The following IRF8 variants were observed in gnomAD, a reference collection of about 807,000 sequenced individuals.
IRF8 encodes interferon consensus sequence binding protein 1.
In IRF8, 14 loss-of-function variants were observed where a neutral mutation model predicts 48.7. The ratio of observed to expected loss-of-function variants is 0.29; its 90% CI spans 0.19 to 0.45. The LOEUF (loss-of-function observed/expected upper bound fraction) is 0.45. Among genes scored for constraint, IRF8 ranks in the 20% least tolerant of loss-of-function variants. The pLI is 1.00. For missense variants in IRF8, 493 were observed against 580.7 expected (o/e 0.85, Z 1.55); for synonymous variants, 278 against 227.3 (o/e 1.22, Z -2.01).
intron 6 of IRF8, among the ~76,000 whole-genome samples, chr16:85,918,085 C>G (rs1054925326): frequency 8.5e-5 from 13 of 152,148 alleles, no homozygotes; most frequent in Admixed American, 4.6e-4. Flanking sequence ...AATGAGTTGT[C>G]GAAACATCGT....
intron 8 of IRF8, 27 bp from the exon 9 acceptor site, chr16:85,921,079 C>T: frequency 6.3e-7 from 1 of 1,599,692 alleles, no homozygotes; most frequent in Non-Finnish European, 8.5e-7. Context: ...CCGCCTCTGC[C>T]TCTGACTTTC....
chr16:85,909,290 A>G (rs973861037), intron 3 of IRF8, 117 bp downstream of exon 3: 1 of 803,158 alleles, frequency 1.2e-6, no homozygotes. Context: ...TCAGTTAAAC[A>G]AAGCAGTTCT....
At chr16:85,900,107 T>C (rs1019771860) in intron 1 of IRF8, among the ~76,000 whole-genome samples, 20 of 152,300 alleles carry the variant, frequency 1.3e-4, no homozygotes, top group African/African-American at 3.9e-4. Context: ...TGAGGAAGGT[T>C]GGTGCCAGAG....
At chr16:85,913,626 A>C (rs1267269188) in intron 5 of IRF8, among the ~76,000 whole-genome samples, 2 of 152,316 alleles carry the variant, frequency 1.3e-5, no homozygotes, top group Admixed American at 1.3e-4. Flanking sequence ...CCAGTCTGTT[A>C]CGACATTAAG....
intron 5 of IRF8, 46 bp downstream of exon 5, chr16:85,913,282 G>A: frequency 7.4e-7 from 1 of 1,358,624 alleles, no homozygotes; most frequent in Non-Finnish European, 1.1e-6. Flanking sequence ...GGCCTGAAGG[G>A]TTTACGGCAT....
rs946015181 is a variant in IRF8 at position 85,921,847 on chromosome 16, A to C, written c.*565A>C. 5 of 160,292 alleles carry C rather than the reference A, an allele frequency of 3.1e-5. No homozygotes were observed. The highest frequency in any genetic ancestry group is 1.2e-4 in the African/African-American group (5 of 41,498). The allele number at this position is 160,292 out of a possible 1,614,324, so 9.9% of individuals were successfully genotyped here. On this transcript the variant is annotated 3_prime_UTR_variant, in exon 9 of 9. Coordinates refer to ENST00000268638, the MANE Select transcript of IRF8 (RefSeq NM_002163.4). ...AAAAACTCTTGGCTTGTTAGAAGAA[A>C]GTATATTCTTTCTAGAATTTGGTGC... is the stretch of plus-strand genomic sequence containing the variant.
intron 7 of IRF8, 144 bp downstream of exon 7, chr16:85,918,947 TCCTTTGAATGGCA>T: frequency 9.3e-7 from 1 of 1,074,926 alleles, no homozygotes; most frequent in Non-Finnish European, 1.4e-6. Flanking sequence ...AAGGAGGTGC[TCCTTTGAATGGCA>T]CTCTGCCCTC....
chr16:85,906,245 G>T (rs1294746994), intron 2 of IRF8, among the ~76,000 whole-genome samples: 1 of 152,214 alleles, frequency 6.6e-6, no homozygotes, highest in African/African-American at 2.4e-5. Flanking sequence ...AAGACCTCCT[G>T]GTCTTAGTTC....
intron 6 of IRF8, among the ~76,000 whole-genome samples, chr16:85,916,772 G>A (rs1905322231): frequency 1.3e-5 from 2 of 152,236 alleles, no homozygotes. Context: ...GGAGGGGAGT[G>A]TGTGGAGTCC....
rs749942363 is a variant in IRF8 at position 85,920,230 on chromosome 16, T to TA, written c.1104+7dup. 38 of 1,432,314 alleles carry TA rather than the reference T, an allele frequency of 2.7e-5. No individual in the cohort carries two copies. In the African/African-American group the frequency reaches 5.0e-4, roughly 19 times the overall value. 88.7% of individuals were successfully genotyped at this position (1,432,314 alleles called of 1,614,324 possible). ...CCAAACTCATTCTCGTGCAGGTAAG[T>TA]ATGGGCAGCTTTTTTTTTTTTTTTT... On this transcript the variant is annotated splice_region_variant and intron_variant, in intron 8 of 8. Transcript: ENST00000268638.
chr16:85,919,156 G>C (rs1166887781), intron 7 of IRF8, among the ~76,000 whole-genome samples: 1 of 152,142 alleles, frequency 6.6e-6, no homozygotes, highest in East Asian at 1.9e-4. Context: ...CTGAGGCCCT[G>C]CTCCAGCCAC....
chr16:85,909,253 TAGACACAGGG>T, intron 3 of IRF8, 80 bp downstream of exon 3: 3 of 1,154,786 alleles, frequency 2.6e-6, no homozygotes, highest in Non-Finnish European at 3.9e-6. Context: ...GGGTCTGGGG[TAGACACAGGG>T]TCTGGGGCAC....
At chr16:85,909,552 A>C in intron 3 of IRF8, 1 of 286,594 alleles carries the variant, frequency 3.5e-6, no homozygotes, top group Non-Finnish European at 6.8e-6. Flanking sequence ...GGTTGGGAGT[A>C]AAGCTCTCAG....
rs777712868 is a variant in IRF8 at position 85,918,454 on chromosome 16, C to T, written c.639C>T (p.Gly213=). The change falls in exon 7 of 9, where the codon GGC becomes GGT. Residue 213 remains glycine (G), a synonymous_variant. Coordinates refer to ENST00000268638, the MANE Select transcript of IRF8 (RefSeq NM_002163.4). ...SQMVISFYYG[G]KLVGQATTTC... ...TGGTGATCAGCTTCTACTATGGGGGCAAGCTGGTGGGCCAGGCCACCACCA... is the reference window on the plus strand; with the variant it reads ...TGGTGATCAGCTTCTACTATGGGGGTAAGCTGGTGGGCCAGGCCACCACCA... 6.3e-7 allele frequency: 1 copy of T among 1,592,630 alleles called. No individual in the cohort carries two copies. Among genetic ancestry groups the T allele is most frequent in the East Asian group, 2.2e-5 (1 of 44,746 alleles).
At chr16:85,907,440 G>A (rs1023815544) in intron 2 of IRF8, among the ~76,000 whole-genome samples, 7 of 152,222 alleles carry the variant, frequency 4.6e-5, no homozygotes, top group African/African-American at 1.7e-4. Flanking sequence ...AGCACTTTGG[G>A]AGGCCGAGGC....
chr16:85,912,566 C>T (rs1905176809), intron 4 of IRF8, among the ~76,000 whole-genome samples: 1 of 152,222 alleles, frequency 6.6e-6, no homozygotes, highest in Admixed American at 6.5e-5. Context: ...TCGTGGCCCT[C>T]CACCAATGTC....
chr16:85,919,667 A>G (rs923264421), intron 7 of IRF8, among the ~76,000 whole-genome samples: 1 of 152,108 alleles, frequency 6.6e-6, no homozygotes, highest in African/African-American at 2.4e-5. Flanking sequence ...AAGATTCTAC[A>G]TTTCTAATGA....
At chr16:85,916,251 T>TG (rs1238423535) in intron 6 of IRF8, among the ~76,000 whole-genome samples, 2 of 152,088 alleles carry the variant, frequency 1.3e-5, no homozygotes, top group African/African-American at 4.8e-5. Flanking sequence ...AGGCACAGAG[T>TG]GGGGAAGCGG....
chr16:85,916,058 A>G (rs980179211), intron 6 of IRF8, among the ~76,000 whole-genome samples: 15 of 152,188 alleles, frequency 9.9e-5, no homozygotes, highest in Admixed American at 7.9e-4. Context: ...TGAGCTGTGT[A>G]GACCATAGTC....
Sources: gnomAD v4.1 joint callset for allele counts (sites outside exome capture counted in the v4.1 genomes callset) on GRCh38, gnomAD v4.1.1 for gene constraint, MANE v1.5 for transcripts, NCBI Gene and HGNC (gene_info 2026-07-23, HGNC 2026-07-21) for gene names.